C19orf12: variants seen among roughly 807,000 people sequenced by gnomAD.
The protein encoded by C19orf12 is protein C19orf12.
Under a neutral mutation model 3.8 loss-of-function variants are expected in C19orf12, and 2 were observed. The ratio of observed to expected loss-of-function variants is 0.53; its 90% CI spans 0.22 to 1.66. The LOEUF is 1.66. C19orf12 is among the 40% of genes most tolerant of loss of function. The pLI is 0.20. For missense variants in C19orf12, 156 were observed against 188.8 expected, an observed-to-expected ratio of 0.83 and a Z score of 1.02; for synonymous variants, 89 against 84.6, an observed-to-expected ratio of 1.05 and a Z score of -0.28.
In C19orf12 at chr19:29,700,588, C is replaced by T. The variant is rs1232132289; in HGVS notation, c.*2124G>A. ...ACTCAGTTTTCACAGACAGACAACC[C>T]CTCCTTCCCACCCCTGCCCTGTCCC... On this transcript the variant is annotated 3_prime_UTR_variant, in exon 3 of 3. Coordinates refer to ENST00000323670, the MANE Select transcript of C19orf12 (RefSeq NM_031448.6). The T allele has an allele frequency of 2.2e-6, 1 of 454,108 alleles. No homozygotes were observed. The highest frequency in any genetic ancestry group is 1.6e-5 in the South Asian group (1 of 64,432). 28.1% of individuals were successfully genotyped at this position (454,108 alleles called of 1,614,324 possible).
At chr19:29,703,077 A>G in intron 2 of C19orf12, 100 bp from the exon 3 acceptor site, 1 of 1,532,524 alleles carries the variant, frequency 6.5e-7, no homozygotes, top group Non-Finnish European at 9.0e-7. Flanking sequence ...ATGAGCAGGC[A>G]CATTCATGAG....
rs370529654 is a variant in C19orf12 at position 29,708,279 on chromosome 19, C to T, written c.135G>A (p.Val45=). Reference sequence around the variant, plus strand: ...CAACGGCGAGTCCCGGTGGGCCGCCCACCAAACCCCCGACGAAGGCCATGG... The same window carrying T: ...CAACGGCGAGTCCCGGTGGGCCGCCTACCAAACCCCCGACGAAGGCCATGG... The part of the protein sequence containing the change: ...TGAMAFVGGL[V]GGPPGLAVGG... Residue 45 remains valine, a synonymous_variant, in exon 2 of 3, where the codon GTG becomes GTA. Coordinates refer to ENST00000323670, the MANE Select transcript of C19orf12 (RefSeq NM_031448.6). The T allele has an allele frequency of 1.2e-5, 20 of 1,613,078 alleles. No homozygotes were observed. The highest frequency in any genetic ancestry group is 1.5e-5 in the Non-Finnish European group (18 of 1,180,040).
chr19:29,703,075 G>T, intron 2 of C19orf12, 98 bp from the exon 3 acceptor site: 2 of 1,533,454 alleles, frequency 1.3e-6, no homozygotes, highest in Non-Finnish European at 1.8e-6. Context: ...CCATGAGCAG[G>T]CACATTCATG....
intron 2 of C19orf12, among the ~76,000 whole-genome samples, chr19:29,705,940 T>C (rs1972359109): frequency 6.6e-6 from 1 of 152,226 alleles, no homozygotes; most frequent in South Asian, 2.1e-4. Flanking sequence ...CCTAATATTA[T>C]TGGGAAATGA....
At chr19:29,714,079 C>A (rs1365356347) in intron 1 of C19orf12, among the ~76,000 whole-genome samples, 6 of 151,826 alleles carry the variant, frequency 4.0e-5, no homozygotes, top group Non-Finnish European at 7.4e-5. Flanking sequence ...TTTCCAGAAA[C>A]GCAGTCTCCC....
chr19:29,700,207 A>T lies in C19orf12; in HGVS notation c.*2505T>A, dbSNP rs987797017. 2.2e-6 allele frequency: 1 copy of T among 454,118 alleles called. No homozygotes were observed. The allele number at this position is 454,118 out of a possible 1,614,324, so 28.1% of individuals were successfully genotyped here. On this transcript the variant is annotated 3_prime_UTR_variant, in exon 3 of 3. Coordinates refer to ENST00000323670, the MANE Select transcript of C19orf12 (RefSeq NM_031448.6). ...CCTGACACAGACCAGGACCTGATGC[A>T]CGAGTAAGAATGAATGGGGCCCAAT... is the stretch of plus-strand genomic sequence containing the variant.
chr19:29,699,682 C>A lies in C19orf12; in HGVS notation c.*3030G>T, dbSNP rs1386647576. On this transcript the variant is annotated 3_prime_UTR_variant, in exon 3 of 3. Coordinates refer to ENST00000323670, the MANE Select transcript of C19orf12 (RefSeq NM_031448.6). ...AAAGGAAATGAACAGTTTTCAGAGA[C>A]TTACTTTAAAACAGAGTTAAAGGAA... 1 of 453,978 alleles carries A rather than the reference C, an allele frequency of 2.2e-6. No individual in the cohort carries two copies. The highest frequency in any genetic ancestry group is 1.6e-5 in the South Asian group (1 of 64,458). The allele number at this position is 453,978 out of a possible 1,614,324, so 28.1% of individuals were successfully genotyped here.
At position 29,702,819 on chromosome 19, in the gene C19orf12, G is replaced by T. The variant is rs1332509313; in HGVS notation, c.319C>A (p.Leu107Met). ...RHLEWTDAVQLTALVMGSEAL... is the reference protein window; with the variant it reads ...RHLEWTDAVQMTALVMGSEAL... ...TCGCTGCCCATGACCAGCGCGGTCA[G>T]CTGCACGGCGTCCGTCCACTCCAGG... Residue 107 changes from leucine to methionine, a missense_variant, in exon 3 of 3, where the codon CTG becomes ATG. Physicochemically the swap from Leu to Met is conservative, Grantham distance 15. Transcript: ENST00000323670. 1.2e-6 allele frequency: 2 copies of T among 1,614,034 alleles called. No individual in the cohort carries two copies. Among genetic ancestry groups the T allele is most frequent in the Non-Finnish European group, 1.7e-6 (2 of 1,179,956 alleles).
At chr19:29,707,397 G>A (rs1972431132) in intron 2 of C19orf12, among the ~76,000 whole-genome samples, 1 of 152,190 alleles carries the variant, frequency 6.6e-6, no homozygotes, top group African/African-American at 2.4e-5. Flanking sequence ...GAGGTGGGCA[G>A]GCCCTCTAAG....
At chr19:29,711,754 T>C (rs1338856297) in intron 1 of C19orf12, among the ~76,000 whole-genome samples, 1 of 152,120 alleles carries the variant, frequency 6.6e-6, no homozygotes, top group African/African-American at 2.4e-5. Flanking sequence ...CATAACCACT[T>C]TAGCTCTACT....
intron 1 of C19orf12, among the ~76,000 whole-genome samples, chr19:29,711,590 C>A (rs1396209252): frequency 6.6e-6 from 1 of 152,238 alleles, no homozygotes; most frequent in Non-Finnish European, 1.5e-5. Context: ...TGAGCCCTGC[C>A]ATGCTTGGTC....
At chr19:29,714,661 A>T (rs1972862320) in intron 1 of C19orf12, among the ~76,000 whole-genome samples, 1 of 150,972 alleles carries the variant, frequency 6.6e-6, no homozygotes, top group Non-Finnish European at 1.5e-5. Flanking sequence ...TCACATTTAT[A>T]ATACCTAGCA....
At chr19:29,711,736 A>G (rs1972688829) in intron 1 of C19orf12, among the ~76,000 whole-genome samples, 1 of 152,216 alleles carries the variant, frequency 6.6e-6, no homozygotes, top group Non-Finnish European at 1.5e-5. Context: ...GAAGGCAGGA[A>G]ACAGATACAT....
chr19:29,706,214 C>T (rs1972372682), intron 2 of C19orf12, among the ~76,000 whole-genome samples: 1 of 152,248 alleles, frequency 6.6e-6, no homozygotes, highest in African/African-American at 2.4e-5. Flanking sequence ...TTTTACTGAA[C>T]TTTTCCCCAT....
intron 2 of C19orf12, among the ~76,000 whole-genome samples, chr19:29,707,894 T>C (rs1972463668): frequency 6.7e-6 from 1 of 149,726 alleles, no homozygotes. Flanking sequence ...TTCTTTGAGA[T>C]AGAGTCTCGT....
rs116378078 is a variant in C19orf12 at position 29,701,046 on chromosome 19, C to T, written c.*1666G>A. ...TGCCGACATTACAAGCATGAGCCAC[C>T]TCACCTGACCTACTCTTGCATTCTT... On this transcript the variant is annotated 3_prime_UTR_variant, in exon 3 of 3. Transcript: ENST00000323670. The T allele has an allele frequency of 4.2e-3, 1,914 of 454,162 alleles. 31 individuals carry two copies. Among genetic ancestry groups the T allele is most frequent in the African/African-American group, 0.036 (1,781 of 50,144 alleles). 28.1% of individuals were successfully genotyped at this position (454,162 alleles called of 1,614,324 possible).
chr19:29,706,548 T>C (rs1455756867), intron 2 of C19orf12, among the ~76,000 whole-genome samples: 1 of 152,080 alleles, frequency 6.6e-6, no homozygotes, highest in Non-Finnish European at 1.5e-5. Flanking sequence ...GACAAAATGA[T>C]CCCCAAAGCC....
chr19:29,707,785 T>C (rs12974759), intron 2 of C19orf12, among the ~76,000 whole-genome samples: 1 of 152,018 alleles, frequency 6.6e-6, no homozygotes, highest in African/African-American at 2.4e-5. Context: ...GAGGCATCTT[T>C]AACTCCACCA....
rs746454120 is a variant in C19orf12, at chr19:29,702,575, C to G, written c.*137G>C. ...CACTGCACAGCGGTGGCCTCTCCAG[C>G]GGGACATTACTAGTAATACACTGAT... On this transcript the variant is annotated 3_prime_UTR_variant, in exon 3 of 3. Transcript: ENST00000323670. 4 of 1,199,340 alleles carry G rather than the reference C, an allele frequency of 3.3e-6. No individual in the cohort carries two copies. The South Asian group carries it at 3.7e-5, about 11-fold the overall frequency. 74.3% of individuals were successfully genotyped at this position (1,199,340 alleles called of 1,614,324 possible).
Sources: allele counts gnomAD v4.1 joint callset (sites outside exome capture counted in the v4.1 genomes callset), GRCh38; gene constraint gnomAD v4.1.1; transcripts MANE v1.5; gene names NCBI Gene and HGNC (gene_info 2026-07-23, HGNC 2026-07-21).